FBXW7: variants seen among roughly 807,000 people sequenced by gnomAD.
The protein encoded by FBXW7 is F-box/WD repeat-containing protein 7.
FBXW7 carries 11 observed loss-of-function variants against 86.3 expected under a neutral mutation model. The observed-to-expected ratio is 0.13, with a 90% CI of 0.08 to 0.21. The LOEUF (loss-of-function observed/expected upper bound fraction) is 0.21, where lower values mean the gene tolerates loss of function less well. Ranked by LOEUF, FBXW7 falls within the 10% of genes least tolerant of loss-of-function variation. FBXW7 has a pLI of 1.00. For synonymous variants in FBXW7, 313 were observed against 297.9 expected (o/e 1.05, Z -0.52); for missense variants, 488 against 847.4 (o/e 0.58, Z 5.27).
chr4:152,483,698 C>CA (rs1460399229), intron 2 of FBXW7, among the ~76,000 whole-genome samples: 21 of 150,800 alleles, frequency 1.4e-4, no homozygotes, highest in Non-Finnish European at 7.4e-5. Context: ...ACCCTGTCTC[C>CA]AAAAAACAAA....
intron 4 of FBXW7, among the ~76,000 whole-genome samples, chr4:152,368,414 CATGT>C (rs772861089): frequency 6.6e-6 from 1 of 151,878 alleles, no homozygotes; most frequent in Non-Finnish European, 1.5e-5. Flanking sequence ...CGGATGCATG[CATGT>C]GTGTGTGTTA....
intron 2 of FBXW7, among the ~76,000 whole-genome samples, chr4:152,491,579 T>G (rs2149685244): frequency 1.3e-5 from 2 of 152,268 alleles, no homozygotes; most frequent in Non-Finnish European, 2.9e-5. Context: ...TTCAGGATAG[T>G]GGCTGGTGGG....
At chr4:152,419,494 AACACACACACACACACACAC>A (rs57894523) in intron 2 of FBXW7, among the ~76,000 whole-genome samples, 7 of 123,264 alleles carry the variant, frequency 5.7e-5, no homozygotes, top group African/African-American at 1.2e-4. Flanking sequence ...GGATAAGGTA[AACACACACACACACACACAC>A]ACACACACAC....
intron 2 of FBXW7, among the ~76,000 whole-genome samples, chr4:152,527,635 G>A (rs1406550754): frequency 1.3e-5 from 2 of 151,812 alleles, no homozygotes; most frequent in Non-Finnish European, 2.9e-5. Flanking sequence ...TGCAGGGTGT[G>A]GCAGTACACA....
intron 2 of FBXW7, among the ~76,000 whole-genome samples, chr4:152,498,865 G>A (rs1746632602): frequency 6.6e-6 from 1 of 152,082 alleles, no homozygotes; most frequent in African/African-American, 2.4e-5. Context: ...AGAGCTCTAG[G>A]AAGGGAAAAA....
At chr4:152,407,908 T>G (rs999127779) in intron 4 of FBXW7, among the ~76,000 whole-genome samples, 2 of 152,216 alleles carry the variant, frequency 1.3e-5, no homozygotes, top group Non-Finnish European at 2.9e-5. Flanking sequence ...TTTTGCCATG[T>G]TGCCCAGGCT....
At chr4:152,481,369 T>C (rs1381229760) in intron 2 of FBXW7, among the ~76,000 whole-genome samples, 1 of 152,172 alleles carries the variant, frequency 6.6e-6, no homozygotes, top group East Asian at 1.9e-4. Context: ...ACATTGCTCA[T>C]TGCACCTGGT....
At chr4:152,454,011 CATT>C (rs1403770079) in intron 2 of FBXW7, among the ~76,000 whole-genome samples, 2 of 152,090 alleles carry the variant, frequency 1.3e-5, no homozygotes, top group African/African-American at 4.8e-5. Flanking sequence ...CCATATACAT[CATT>C]ATGTATCACT....
At chr4:152,420,381 T>G (rs887697483) in intron 2 of FBXW7, among the ~76,000 whole-genome samples, 1 of 152,132 alleles carries the variant, frequency 6.6e-6, no homozygotes, top group African/African-American at 2.4e-5. Context: ...AAGTTGCCCA[T>G]GGGGGTAGAA....
At chr4:152,494,943 T>G (rs1424419166) in intron 2 of FBXW7, among the ~76,000 whole-genome samples, 1 of 152,200 alleles carries the variant, frequency 6.6e-6, no homozygotes, top group Non-Finnish European at 1.5e-5. Context: ...TACCCAAGCT[T>G]GCTCTCTTAA....
At chr4:152,387,852 G>T (rs1321779387) in intron 4 of FBXW7, among the ~76,000 whole-genome samples, 1 of 151,582 alleles carries the variant, frequency 6.6e-6, no homozygotes, top group East Asian at 1.9e-4. Flanking sequence ...GGGATTACAG[G>T]TGCCCACCAC....
intron 2 of FBXW7, among the ~76,000 whole-genome samples, chr4:152,496,181 A>G (rs1227878919): frequency 6.6e-6 from 1 of 152,182 alleles, no homozygotes; most frequent in Non-Finnish European, 1.5e-5. Context: ...ACCACCTCAA[A>G]CAAACAAACA....
intron 13 of FBXW7, 60 bp from the exon 14 acceptor site, chr4:152,323,209 C>T (rs940975998): frequency 5.5e-5 from 84 of 1,538,078 alleles, no homozygotes; most frequent in Non-Finnish European, 6.5e-5. Flanking sequence ...GAGTTAGTTA[C>T]ATTATAATTT....
intron 4 of FBXW7, among the ~76,000 whole-genome samples, chr4:152,394,194 T>C (rs1049953321): frequency 7.2e-5 from 11 of 152,114 alleles, no homozygotes; most frequent in Admixed American, 1.3e-4. Flanking sequence ...GTGAAAAACT[T>C]AGATATTTTC....
At position 152,517,388 on chromosome 4, in the gene FBXW7, G is replaced by A. The variant is rs570765596; in HGVS notation, c.-120+17553C>T. On this transcript the variant is annotated intron_variant, in intron 2 of 13. Coordinates refer to ENST00000281708, the MANE Select transcript of FBXW7 (RefSeq NM_001349798.2). ...ATAAATAAACAAATGGAATAATAAT[G>A]CATGCTCTGCCAACCTCATATATAA... 1.6e-3 allele frequency among the ~76,000 whole-genome samples: 242 copies of A among 152,242 alleles called. 3 individuals carry two copies. The highest frequency in any genetic ancestry group is 3.1e-3 in the Admixed American group (48 of 15,294).
At chr4:152,530,889 G>T (rs558767896) in intron 2 of FBXW7, 63 of 152,312 alleles carry the variant, frequency 4.1e-4, no homozygotes, top group African/African-American at 1.5e-3. Context: ...AGATCATGTG[G>T]CCTGTAAAAC....
At chr4:152,490,293 A>T (rs1251662451) in intron 2 of FBXW7, among the ~76,000 whole-genome samples, 2 of 152,148 alleles carry the variant, frequency 1.3e-5, no homozygotes, top group African/African-American at 4.8e-5. Flanking sequence ...ATGCCACTGA[A>T]TTGTATATTT....
intron 4 of FBXW7, among the ~76,000 whole-genome samples, chr4:152,377,213 C>T (rs753018087): frequency 1.3e-5 from 2 of 152,248 alleles, no homozygotes; most frequent in Non-Finnish European, 2.9e-5. Flanking sequence ...ACCAGCGTTC[C>T]GAACTACCTG....
At chr4:152,378,013 C>T (rs1025691757) in intron 4 of FBXW7, among the ~76,000 whole-genome samples, 13 of 152,072 alleles carry the variant, frequency 8.5e-5, no homozygotes, top group African/African-American at 3.1e-4. Context: ...TTTATTAAAA[C>T]ACAGTCATGC....
Sources: gnomAD v4.1 joint callset for allele counts (sites outside exome capture counted in the v4.1 genomes callset) on GRCh38, gnomAD v4.1.1 for gene constraint, MANE v1.5 for transcripts, NCBI Gene and HGNC (gene_info 2026-07-23, HGNC 2026-07-21) for gene names.